Variants in N4BP1 observed in about 807,000 individuals in gnomAD.
N4BP1 encodes NEDD4-binding protein 1.
Under a neutral mutation model 70.9 loss-of-function variants are expected in N4BP1, and 21 were observed. The ratio of observed to expected loss-of-function variants is 0.30; its 90% confidence interval spans 0.21 to 0.43. N4BP1 has a LOEUF of 0.43. Among genes scored for constraint, N4BP1 ranks in the 20% least tolerant of loss-of-function variants. N4BP1 has a pLI of 1.00. For synonymous variants in N4BP1, 387 were observed against 394.6 expected, an observed-to-expected ratio of 0.98 and a Z score of 0.23; for missense variants, 936 against 1,069.4, an observed-to-expected ratio of 0.88 and a Z score of 1.74.
chr16:48,598,510 T>A (rs1022450739), intron 1 of N4BP1, among the ~76,000 whole-genome samples: 1 of 152,162 alleles, frequency 6.6e-6, no homozygotes, highest in Non-Finnish European at 1.5e-5. Flanking sequence ...GGGTGGTTAT[T>A]AAGATACGGC....
chr16:48,566,245 A>G (rs542040768), intron 1 of N4BP1, among the ~76,000 whole-genome samples: 48 of 151,962 alleles, frequency 3.2e-4, no homozygotes, highest in Admixed American at 9.8e-4. Flanking sequence ...AGATCTTGCT[A>G]TGTTGTCAAG....
At chr16:48,559,405 T>G (rs910296591) in intron 2 of N4BP1, among the ~76,000 whole-genome samples, 1 of 152,190 alleles carries the variant, frequency 6.6e-6, no homozygotes, top group African/African-American at 2.4e-5. Context: ...CATGTCCAGG[T>G]GTCCTGTTTC....
At chr16:48,570,350 T>C (rs567076833) in intron 1 of N4BP1, among the ~76,000 whole-genome samples, 1 of 152,342 alleles carries the variant, frequency 6.6e-6, no homozygotes, top group South Asian at 2.1e-4. Context: ...GTGATACTTT[T>C]TCTTTTCTTT....
At chr16:48,565,652 G>T (rs1007238834) in intron 1 of N4BP1, among the ~76,000 whole-genome samples, 11 of 152,184 alleles carry the variant, frequency 7.2e-5, no homozygotes, top group Non-Finnish European at 1.5e-4. Flanking sequence ...ACATGAGTTA[G>T]AAAGTGTTCT....
chr16:48,604,943 T>C (rs982547921), intron 1 of N4BP1, among the ~76,000 whole-genome samples: 5 of 151,956 alleles, frequency 3.3e-5, no homozygotes, highest in Admixed American at 6.5e-5. Context: ...ACAGTCCCTC[T>C]TCCCGACCAC....
rs1963494202 is a variant in N4BP1, at chr16:48,541,225, C to G, written c.*1679G>C. The stretch of plus-strand genomic sequence containing the variant: ...CCAGAAGGCCAGAATCACTGCAAGA[C>G]AGCTCCAGCCCGCACACCTCAGTTG... On this transcript the variant is annotated 3_prime_UTR_variant, in exon 7 of 7. Transcript: ENST00000262384. The G allele has an allele frequency of 6.6e-6, 1 of 152,274 alleles. No individual in the cohort carries two copies. Among genetic ancestry groups the G allele is most frequent in the African/African-American group, 2.4e-5 (1 of 41,458 alleles). 9.4% of individuals were successfully genotyped at this position (152,274 alleles called of 1,614,324 possible). A position where few individuals can be genotyped will look rare whatever the true frequency, so the allele number is the denominator to read the frequency against.
rs1319386557 is a variant in N4BP1, at chr16:48,609,982, G to C, written c.-10C>G. On this transcript the variant is annotated 5_prime_UTR_variant, in exon 1 of 7. Transcript: ENST00000262384. ...CCGCCCGGGCCGCCATGGCGGGCGC[G>C]GCCTCCCGCGGCGGCGCCGGGGGCC... is the stretch of plus-strand genomic sequence containing the variant. 1.5e-5 allele frequency: 18 copies of C among 1,193,046 alleles called. No homozygotes were observed. Among genetic ancestry groups the C allele is most frequent in the Non-Finnish European group, 1.8e-5 (17 of 963,372 alleles). The allele number at this position is 1,193,046 out of a possible 1,614,324, so 73.9% of individuals were successfully genotyped here.
chr16:48,600,762 A>AT (rs1219254170), intron 1 of N4BP1: 1 of 306,948 alleles, frequency 3.3e-6, no homozygotes, highest in Non-Finnish European at 6.3e-6. Context: ...TGATTAAAAT[A>AT]TATCTTTCCT....
intron 1 of N4BP1, among the ~76,000 whole-genome samples, chr16:48,599,325 G>A (rs1964463780): frequency 6.6e-6 from 1 of 152,124 alleles, no homozygotes; most frequent in Admixed American, 6.6e-5. Context: ...AATTCCTAAG[G>A]AGCTAATGGG....
At chr16:48,605,324 G>A (rs1015940562) in intron 1 of N4BP1, among the ~76,000 whole-genome samples, 18 of 152,100 alleles carry the variant, frequency 1.2e-4, no homozygotes, top group African/African-American at 3.6e-4. Context: ...GAGCCACTGC[G>A]CCCGGCCTAA....
Position 48,562,384 on chromosome 16 carries a change from T to A in N4BP1, c.259A>T (p.Met87Leu). ...TCTGCCCCAACAAAAATGCAGTGCA[T>A]GTCCTTGGGGTAACATTCTCTTTCT... is the stretch of plus-strand genomic sequence containing the variant. The part of the protein sequence containing the change: ...LEERECYPKD[M>L]HCIFVGAESL... Residue 87 changes from methionine to leucine, a missense_variant, in exon 2 of 7, where the codon ATG becomes TTG. Transcript: ENST00000262384. 1 of 1,613,816 alleles carries A rather than the reference T, an allele frequency of 6.2e-7. No homozygotes were observed. The highest frequency in any genetic ancestry group is 1.1e-5 in the South Asian group (1 of 91,060).
chr16:48,606,373 C>T (rs186893996), intron 1 of N4BP1, among the ~76,000 whole-genome samples: 2 of 152,304 alleles, frequency 1.3e-5, no homozygotes, highest in East Asian at 3.9e-4. Flanking sequence ...AAAATCCTCA[C>T]TGACTATTAA....
chr16:48,554,369 G>C lies in N4BP1; in HGVS notation c.1890-700C>G, dbSNP rs141163940. Among the ~76,000 whole-genome samples, 4 of 152,222 alleles carry C rather than the reference G, an allele frequency of 2.6e-5. No homozygotes were observed. The East Asian group carries it at 7.7e-4, about 29-fold the overall frequency. On this transcript the variant is annotated intron_variant, in intron 2 of 6. Transcript: ENST00000262384. ...TCCACATTTACAAAAACAGGTGGGC[G>C]GGCCTGATTTGGCCCATAGTTTACA...
intron 1 of N4BP1, among the ~76,000 whole-genome samples, chr16:48,566,339 C>T (rs1963944132): frequency 6.6e-6 from 1 of 152,108 alleles, no homozygotes; most frequent in African/African-American, 2.4e-5. Flanking sequence ...GCCACTGGGC[C>T]CAGCCTCTTC....
At chr16:48,607,701 G>T (rs553426045) in intron 1 of N4BP1, among the ~76,000 whole-genome samples, 1 of 152,346 alleles carries the variant, frequency 6.6e-6, no homozygotes, top group South Asian at 2.1e-4. Flanking sequence ...ACTTAATCAT[G>T]TCAAGCTTTT....
At chr16:48,595,306 T>C (rs1303854692) in intron 1 of N4BP1, among the ~76,000 whole-genome samples, 1 of 150,774 alleles carries the variant, frequency 6.6e-6, no homozygotes, top group Non-Finnish European at 1.5e-5. Flanking sequence ...CTACTAAAGG[T>C]TCAAAAATTA....
chr16:48,567,477 C>A (rs1444140938), intron 1 of N4BP1, among the ~76,000 whole-genome samples: 1 of 152,046 alleles, frequency 6.6e-6, no homozygotes, highest in East Asian at 1.9e-4. Flanking sequence ...ACCACCACAC[C>A]TGGTTAATTT....
chr16:48,548,663 A>C (rs1195536051), intron 4 of N4BP1, among the ~76,000 whole-genome samples: 1 of 152,034 alleles, frequency 6.6e-6, no homozygotes, highest in Non-Finnish European at 1.5e-5. Context: ...TCTGGGCAAC[A>C]TGGTGAAACC....
In N4BP1 at chr16:48,568,448, C is replaced by T. The variant is rs572372800; in HGVS notation, c.199-6004G>A. ...TAAAGAAATCAAGAGGAGAAAGTAA[C>T]CTATTACATTTACCCAGATATTTAC... is the stretch of plus-strand genomic sequence containing the variant. On this transcript the variant is annotated intron_variant, in intron 1 of 6. Coordinates refer to ENST00000262384, the MANE Select transcript of N4BP1 (RefSeq NM_153029.4). Among the ~76,000 whole-genome samples, 4 of 152,238 alleles carry T rather than the reference C, an allele frequency of 2.6e-5. No homozygotes were observed. The South Asian group carries it at 8.3e-4, about 32-fold the overall frequency.
Sources: allele counts gnomAD v4.1 joint callset (sites outside exome capture counted in the v4.1 genomes callset), GRCh38; gene constraint gnomAD v4.1.1; transcripts MANE v1.5; gene names NCBI Gene and HGNC (gene_info 2026-07-23, HGNC 2026-07-21).